The following PTPRG variants were observed in gnomAD, a reference collection of about 807,000 sequenced individuals.
PTPRG encodes the protein receptor-type tyrosine-protein phosphatase gamma.
Under a neutral mutation model 165.3 loss-of-function variants are expected in PTPRG, and 102 were observed. That is an observed-to-expected ratio of 0.62 (90% CI 0.53 to 0.73). The LOEUF (loss-of-function observed/expected upper bound fraction) is 0.73. Among genes scored for constraint, PTPRG ranks in the 30% least tolerant of loss-of-function variants. The pLI is 0.00. For missense variants in PTPRG, 1,866 were observed against 1,861.4 expected (o/e 1.00, Z -0.05); for synonymous variants, 675 against 669.5 (o/e 1.01, Z -0.13).
chr3:61,901,351 A>G (rs2038494143), intron 2 of PTPRG, among the ~76,000 whole-genome samples: 1 of 152,164 alleles, frequency 6.6e-6, no homozygotes, highest in African/African-American at 2.4e-5. Flanking sequence ...CTGCCTCCAT[A>G]TTTGAGTTCT....
intron 1 of PTPRG, among the ~76,000 whole-genome samples, chr3:61,564,966 A>C (rs1170439640): frequency 6.6e-6 from 1 of 152,218 alleles, no homozygotes; most frequent in African/African-American, 2.4e-5. Flanking sequence ...GAAAGCGCTT[A>C]TCTGTTTGAC....
intron 1 of PTPRG, among the ~76,000 whole-genome samples, chr3:61,586,591 T>G (rs537483087): frequency 4.6e-5 from 7 of 152,222 alleles, no homozygotes; most frequent in Non-Finnish European, 1.0e-4. Flanking sequence ...GTTGCTACTT[T>G]TGAGAGCCTG....
In PTPRG at chr3:61,846,040, A is replaced by C. The variant is rs533668586; in HGVS notation, c.190+97058A>C. The stretch of plus-strand genomic sequence containing the variant: ...TAATTTGCGCTGTCACCTTGAGCAA[A>C]GTGCTTAACCTTTGAAAGCCTCAGC... On this transcript the variant is annotated intron_variant, in intron 2 of 29. Transcript: ENST00000474889. Among the ~76,000 whole-genome samples, 11 of 152,302 alleles carry C rather than the reference A, an allele frequency of 7.2e-5. No individual in the cohort carries two copies. In the East Asian group the frequency reaches 1.9e-3, roughly 27 times the overall value.
chr3:61,618,005 A>G (rs1275149765), intron 1 of PTPRG, among the ~76,000 whole-genome samples: 3 of 152,246 alleles, frequency 2.0e-5, no homozygotes, highest in Admixed American at 6.5e-5. Flanking sequence ...CAGGTACACT[A>G]TATAACTAAT....
At chr3:61,982,061 T>G (rs992666069) in intron 2 of PTPRG, among the ~76,000 whole-genome samples, 1 of 152,168 alleles carries the variant, frequency 6.6e-6, no homozygotes, top group African/African-American at 2.4e-5. Context: ...GTATGACCTT[T>G]TTAATCCTTG....
At chr3:61,848,824 C>T (rs1032447047) in intron 2 of PTPRG, among the ~76,000 whole-genome samples, 2 of 152,136 alleles carry the variant, frequency 1.3e-5, no homozygotes, top group African/African-American at 4.8e-5. Context: ...AGGCACTCTG[C>T]CAAGCACAAT....
intron 1 of PTPRG, among the ~76,000 whole-genome samples, chr3:61,582,792 A>C (rs538711907): frequency 6.6e-6 from 1 of 152,180 alleles, no homozygotes; most frequent in Non-Finnish European, 1.5e-5. Context: ...ATTCAAGTCA[A>C]CTGTTAGTGG....
intron 2 of PTPRG, among the ~76,000 whole-genome samples, chr3:61,759,968 C>A (rs73107202): frequency 0.014 from 2,083 of 152,004 alleles, 24 homozygotes; most frequent in African/African-American, 0.028. Flanking sequence ...ACCCTGGTAC[C>A]CTTCATGTCT....
At chr3:61,675,453 G>T (rs1703186952) in intron 1 of PTPRG, among the ~76,000 whole-genome samples, 1 of 58,536 alleles carries the variant, frequency 1.7e-5, no homozygotes, top group Non-Finnish European at 3.5e-5. Context: ...GTTCATGATA[G>T]AAAAAGTTGA....
rs531028459 is a variant in PTPRG, at chr3:61,952,581, C to T, written c.191-37044C>T. The stretch of plus-strand genomic sequence containing the variant: ...AAATCTCCCTTTTGAGATTAAAGCC[C>T]TTATCACCTACTTCCTCCTTGACGC... On this transcript the variant is annotated intron_variant, in intron 2 of 29. Coordinates refer to ENST00000474889, the MANE Select transcript of PTPRG (RefSeq NM_002841.4). 2.6e-5 allele frequency among the ~76,000 whole-genome samples: 4 copies of T among 152,260 alleles called. No individual in the cohort carries two copies. The South Asian group carries it at 8.3e-4, about 32-fold the overall frequency.
intron 2 of PTPRG, among the ~76,000 whole-genome samples, chr3:61,945,839 G>A (rs1221481898): frequency 6.6e-6 from 1 of 152,174 alleles, no homozygotes; most frequent in East Asian, 1.9e-4. Context: ...ACTCTGAGAG[G>A]AGGCATGGCA....
At chr3:62,043,803 T>C (rs936068769) in intron 4 of PTPRG, among the ~76,000 whole-genome samples, 1 of 152,178 alleles carries the variant, frequency 6.6e-6, no homozygotes, top group African/African-American at 2.4e-5. Flanking sequence ...TAAGGGGTGG[T>C]ATAATCTAGT....
intron 4 of PTPRG, among the ~76,000 whole-genome samples, chr3:62,013,302 T>G (rs183135224): frequency 4.5e-4 from 68 of 152,324 alleles, no homozygotes; most frequent in African/African-American, 1.4e-3. Flanking sequence ...TTGCAAAACT[T>G]TTTGATTCCA....
intron 2 of PTPRG, among the ~76,000 whole-genome samples, chr3:61,796,557 T>C (rs1467516226): frequency 6.6e-6 from 1 of 152,162 alleles, no homozygotes; most frequent in Non-Finnish European, 1.5e-5. Context: ...TGTGTGCAAG[T>C]TGACCATTGT....
intron 2 of PTPRG, among the ~76,000 whole-genome samples, chr3:61,915,718 G>A (rs1269263276): frequency 6.6e-6 from 1 of 152,050 alleles, no homozygotes; most frequent in Non-Finnish European, 1.5e-5. Flanking sequence ...ATCTGATTAT[G>A]TTTCAGATGC....
intron 4 of PTPRG, among the ~76,000 whole-genome samples, chr3:62,027,164 G>A (rs918256835): frequency 9.2e-5 from 14 of 151,992 alleles, no homozygotes; most frequent in African/African-American, 2.9e-4. Flanking sequence ...TGGGGATGAC[G>A]CTTGTTACAT....
At chr3:61,808,039 C>G (rs1249611015) in intron 2 of PTPRG, among the ~76,000 whole-genome samples, 1 of 152,174 alleles carries the variant, frequency 6.6e-6, no homozygotes, top group Admixed American at 6.5e-5. Context: ...TGCTTGCTCT[C>G]CCTGACTCTG....
At chr3:61,681,083 AG>A (rs1703426658) in intron 1 of PTPRG, among the ~76,000 whole-genome samples, 1 of 150,732 alleles carries the variant, frequency 6.6e-6, no homozygotes, top group Admixed American at 6.6e-5. Context: ...AAAAAGAAGA[AG>A]AAAGTAACAA....
chr3:62,035,878 G>A (rs574347853), intron 4 of PTPRG, among the ~76,000 whole-genome samples: 1 of 152,282 alleles, frequency 6.6e-6, no homozygotes, highest in African/African-American at 2.4e-5. Flanking sequence ...GCCTTACATG[G>A]TTGTAGGCCT....
Sources: allele counts gnomAD v4.1 joint callset (sites outside exome capture counted in the v4.1 genomes callset), GRCh38; gene constraint gnomAD v4.1.1; transcripts MANE v1.5; gene names NCBI Gene and HGNC (gene_info 2026-07-23, HGNC 2026-07-21).